The following NELL1 variants were observed in gnomAD, a reference collection of about 807,000 sequenced individuals.
NELL1 encodes the protein neural EGFL like 1, also known as protein kinase C-binding protein NELL1.
NELL1 carries 76 observed loss-of-function variants against 107.4 expected under a neutral mutation model. The ratio of observed to expected loss-of-function variants is 0.71; its 90% CI spans 0.59 to 0.86. The LOEUF is 0.86. NELL1 is among the 40% of genes least tolerant of loss of function. The pLI, the probability that NELL1 is intolerant of heterozygous loss-of-function variation, is 0.00. For synonymous variants in NELL1, 353 were observed against 341.2 expected (o/e 1.03, Z -0.38); for missense variants, 1,024 against 1,005.5 (o/e 1.02, Z -0.25).
Position 20,879,152 on chromosome 11 carries a change from A to C in NELL1, c.507-6292A>C, listed in dbSNP as rs1564947015. On this transcript the variant is annotated intron_variant, in intron 4 of 19. Transcript: ENST00000357134. The stretch of plus-strand genomic sequence containing the variant: ...TGGGCCCAAGGGTACTAGGAAAGCT[A>C]TTTCCTCCTTCCTTAGCCAGGTGAT... Among the ~76,000 whole-genome samples the C allele has an allele frequency of 3.3e-5, 5 of 152,116 alleles. No homozygotes were observed. The South Asian group carries it at 1.0e-3, about 32-fold the overall frequency.
intron 7 of NELL1, among the ~76,000 whole-genome samples, chr11:20,921,979 C>G (rs1282519143): frequency 6.6e-6 from 1 of 151,960 alleles, no homozygotes; most frequent in Non-Finnish European, 1.5e-5. Context: ...GGAAAGGATT[C>G]TTTAAGGATT....
At chr11:21,242,853 CT>C (rs1858398762) in intron 14 of NELL1, among the ~76,000 whole-genome samples, 1 of 152,132 alleles carries the variant, frequency 6.6e-6, no homozygotes, top group African/African-American at 2.4e-5. Flanking sequence ...GTACAAGGAA[CT>C]CAATCATTAA....
rs529457654 is a variant in NELL1 at position 20,669,907 on chromosome 11, G to A, written c.55+129G>A. On this transcript the variant is annotated intron_variant, in intron 1 of 19. Transcript: ENST00000357134. This position sits in a 1 kb window ranked among gnomAD's most constrained non-coding sequence, Gnocchi z 4.4. ...ACGGCGGTAGCGTGGACCGGTTCCT[G>A]GGATCTCTTTGCCCTGCTCGGAGTG... is the stretch of plus-strand genomic sequence containing the variant. The A allele has an allele frequency of 3.9e-6, 3 of 761,066 alleles. No individual in the cohort carries two copies. The South Asian group carries it at 4.5e-5, about 12-fold the overall frequency. 47.1% of individuals were successfully genotyped at this position (761,066 alleles called of 1,614,324 possible).
rs981228419 is a variant in NELL1, at chr11:21,005,581, A to G, written c.1300+45021A>G. On this transcript the variant is annotated intron_variant, in intron 12 of 19. Coordinates refer to ENST00000357134, the MANE Select transcript of NELL1 (RefSeq NM_006157.5). Reference sequence around the variant, plus strand: ...TATAAATGGGTAGCATGTATTTCCAATCTCTTCTCTTGTTGATAAAGACTG... The same window carrying G: ...TATAAATGGGTAGCATGTATTTCCAGTCTCTTCTCTTGTTGATAAAGACTG... Among the ~76,000 whole-genome samples, 18 of 152,134 alleles carry G rather than the reference A, an allele frequency of 1.2e-4. No homozygotes were observed. In the South Asian group the frequency reaches 2.3e-3, roughly 19 times the overall value.
At chr11:20,937,225 C>T (rs906115417) in intron 9 of NELL1, among the ~76,000 whole-genome samples, 1 of 152,196 alleles carries the variant, frequency 6.6e-6, no homozygotes, top group African/African-American at 2.4e-5. Flanking sequence ...GCCTTTTGAA[C>T]TCACCTTTCC....
chr11:21,090,540 T>G (rs1320384377), intron 12 of NELL1, among the ~76,000 whole-genome samples: 3 of 152,210 alleles, frequency 2.0e-5, no homozygotes, highest in African/African-American at 7.2e-5. Context: ...TCTGTCACTT[T>G]GCAGCTGTGT....
At chr11:20,865,591 G>C (rs1477210265) in intron 4 of NELL1, among the ~76,000 whole-genome samples, 1 of 152,156 alleles carries the variant, frequency 6.6e-6, no homozygotes, top group African/African-American at 2.4e-5. Context: ...GAACAGGCAG[G>C]GGAAGGGAGG....
At chr11:21,512,194 G>A (rs1048101178) in intron 15 of NELL1, among the ~76,000 whole-genome samples, 1 of 152,120 alleles carries the variant, frequency 6.6e-6, no homozygotes, top group Non-Finnish European at 1.5e-5. Flanking sequence ...AGAATATTGA[G>A]CACATGGGGC....
At chr11:21,506,621 A>T (rs2133938934) in intron 15 of NELL1, among the ~76,000 whole-genome samples, 1 of 152,348 alleles carries the variant, frequency 6.6e-6, no homozygotes, top group African/African-American at 2.4e-5. Flanking sequence ...GGGAATAAAT[A>T]AGATAACATG....
At chr11:21,497,686 T>C (rs1164072318) in intron 15 of NELL1, among the ~76,000 whole-genome samples, 2 of 152,102 alleles carry the variant, frequency 1.3e-5, no homozygotes, top group Non-Finnish European at 2.9e-5. Flanking sequence ...TCAAATATCA[T>C]ATATTATACA....
intron 13 of NELL1, among the ~76,000 whole-genome samples, chr11:21,145,597 T>C (rs573796623): frequency 2.1e-4 from 32 of 152,326 alleles, no homozygotes; most frequent in Non-Finnish European, 3.5e-4. Context: ...CTCTTGATTA[T>C]CCAATTGTAT....
intron 3 of NELL1, among the ~76,000 whole-genome samples, chr11:20,806,778 C>T (rs1283445600): frequency 6.6e-6 from 1 of 151,690 alleles, no homozygotes; most frequent in Non-Finnish European, 1.5e-5. Context: ...TTTCAAATAC[C>T]CTGTCTTCAA....
chr11:21,454,771 G>A (rs2133863394), intron 15 of NELL1, among the ~76,000 whole-genome samples: 1 of 152,288 alleles, frequency 6.6e-6, no homozygotes, highest in South Asian at 2.1e-4. Flanking sequence ...TCATATGATA[G>A]AGAAATAGCT....
chr11:21,006,206 A>G (rs141096153), intron 12 of NELL1, among the ~76,000 whole-genome samples: 3 of 152,064 alleles, frequency 2.0e-5, no homozygotes, highest in Non-Finnish European at 4.4e-5. Flanking sequence ...TGTTGATGAT[A>G]TTTAGAGGTG....
At chr11:21,489,794 C>T (rs1431550876) in intron 15 of NELL1, among the ~76,000 whole-genome samples, 1 of 151,796 alleles carries the variant, frequency 6.6e-6, no homozygotes, top group Non-Finnish European at 1.5e-5. Context: ...AGGAACATAC[C>T]TCAAAATAAT....
At chr11:20,777,595 A>G (rs2133975947) in intron 2 of NELL1, among the ~76,000 whole-genome samples, 1 of 152,318 alleles carries the variant, frequency 6.6e-6, no homozygotes, top group Non-Finnish European at 1.5e-5. Context: ...CTGAATTGAC[A>G]AATTTCCTCT....
intron 1 of NELL1, among the ~76,000 whole-genome samples, chr11:20,673,192 G>A (rs1259421748): frequency 1.3e-5 from 2 of 152,154 alleles, no homozygotes; most frequent in Admixed American, 1.3e-4. Flanking sequence ...GAACTCTCAG[G>A]TGGATCATTA....
chr11:21,043,337 G>A (rs949708130), intron 12 of NELL1, among the ~76,000 whole-genome samples: 2 of 152,052 alleles, frequency 1.3e-5, no homozygotes, highest in Non-Finnish European at 2.9e-5. Flanking sequence ...TATTAAATGA[G>A]AAAAGAAACA....
chr11:21,137,699 A>G (rs1285714198), intron 13 of NELL1, among the ~76,000 whole-genome samples: 1 of 152,222 alleles, frequency 6.6e-6, no homozygotes, highest in Non-Finnish European at 1.5e-5. Context: ...AAAGATGCTT[A>G]AGGCATCATT....
Sources: gnomAD v4.1 joint callset for allele counts (sites outside exome capture counted in the v4.1 genomes callset) on GRCh38, gnomAD v4.1.1 for gene constraint, Gnocchi (gnomAD v3.1) non-coding constraint, MANE v1.5 for transcripts, NCBI Gene and HGNC (gene_info 2026-07-23, HGNC 2026-07-21) for gene names.